PRDM16: variants seen among roughly 807,000 people sequenced by gnomAD.
PRDM16 encodes the protein PR/SET domain 16, also known as histone-lysine N-methyltransferase PRDM16.
PRDM16 carries 23 observed loss-of-function variants against 110.6 expected under a neutral mutation model. That is an observed-to-expected ratio of 0.21 (90% CI 0.15 to 0.29). PRDM16 has a LOEUF of 0.29. Among genes scored for constraint, PRDM16 ranks in the 10% least tolerant of loss-of-function variants. The probability of loss-of-function intolerance (pLI) is 1.00; values close to 1 mark genes in which losing one functional copy is unlikely to be tolerated. For missense variants in PRDM16, 1,615 were observed against 1,794.3 expected (o/e 0.90, Z 1.81); for synonymous variants, 799 against 781.8 (o/e 1.02, Z -0.37).
intron 3 of PRDM16, among the ~76,000 whole-genome samples, chr1:3,251,755 A>G (rs571195099): frequency 1.3e-5 from 2 of 152,310 alleles, no homozygotes; most frequent in South Asian, 4.1e-4. Context: ...TACCAGCTTT[A>G]TAGGAGCCAG....
intron 1 of PRDM16, among the ~76,000 whole-genome samples, chr1:3,184,152 G>A (rs553745073): frequency 6.6e-6 from 1 of 152,178 alleles, no homozygotes; most frequent in African/African-American, 2.4e-5. Context: ...GCGTCAATTA[G>A]AAAGGACCCG....
intron 3 of PRDM16, among the ~76,000 whole-genome samples, chr1:3,301,145 A>G (rs893237292): frequency 6.6e-6 from 1 of 152,116 alleles, no homozygotes; most frequent in African/African-American, 2.4e-5. Context: ...CACCTGGGAA[A>G]CCTAGCAAGA....
At chr1:3,071,420 C>T (rs1016577777) in intron 1 of PRDM16, among the ~76,000 whole-genome samples, 1 of 152,218 alleles carries the variant, frequency 6.6e-6, no homozygotes, top group African/African-American at 2.4e-5. Context: ...TGAGGAAAAA[C>T]CCCATGAGAG....
In PRDM16 at chr1:3,118,215, A is replaced by G. The variant is rs181839380; in HGVS notation, c.37+48919A>G. Among the ~76,000 whole-genome samples the G allele has an allele frequency of 7.9e-5, 12 of 151,928 alleles. 1 individual carries two copies. The highest frequency in any genetic ancestry group is 7.8e-4 in the East Asian group (4 of 5,144). ...TGCATGTACACACGCACACACGCAC[A>G]CACACACGTGCACACACGTGCATAC... On this transcript the variant is annotated intron_variant, in intron 1 of 16. Transcript: ENST00000270722.
intron 6 of PRDM16, among the ~76,000 whole-genome samples, chr1:3,403,658 G>A (rs573686907): frequency 3.3e-5 from 5 of 152,340 alleles, no homozygotes; most frequent in African/African-American, 1.2e-4. Context: ...GGGCGGCCTT[G>A]GGGACCTGTG....
intron 3 of PRDM16, among the ~76,000 whole-genome samples, chr1:3,296,663 G>A (rs888334011): frequency 4.6e-5 from 7 of 152,236 alleles, no homozygotes; most frequent in Non-Finnish European, 7.3e-5. Flanking sequence ...CATGGGGGTC[G>A]TGTGTGGACC....
At position 3,434,165 on chromosome 1, in the gene PRDM16, G is replaced by C; in HGVS notation, c.*354G>C. 3.1e-6 allele frequency: 1 copy of C among 321,098 alleles called. No individual in the cohort carries two copies. The allele number at this position is 321,098 out of a possible 1,614,324, so 19.9% of individuals were successfully genotyped here. ...GGCCACTGCCGGGTGCCCGCGTGGG[G>C]TCGCGGAAGGGAATGGATAGACTGG... On this transcript the variant is annotated 3_prime_UTR_variant, in exon 17 of 17. Coordinates refer to ENST00000270722, the MANE Select transcript of PRDM16 (RefSeq NM_022114.4).
chr1:3,104,891 A>C (rs1470287193), intron 1 of PRDM16, among the ~76,000 whole-genome samples: 4 of 152,176 alleles, frequency 2.6e-5, no homozygotes, highest in African/African-American at 7.2e-5. Flanking sequence ...GAACACATGC[A>C]TGAGAGGTGA....
rs1044285849 is a variant in PRDM16, at chr1:3,310,997, A to G, written c.438+66860A>G. On this transcript the variant is annotated intron_variant, in intron 3 of 16. Transcript: ENST00000270722. ...CATGTGTGTGCGTGTGTGCGTGCGT[A>G]TGTGTGTGTGTGTGTGAGCGCCAGC... Among the ~76,000 whole-genome samples the G allele has an allele frequency of 7.3e-5, 11 of 150,238 alleles. No homozygotes were observed. The South Asian group carries it at 8.4e-4, about 11-fold the overall frequency.
chr1:3,087,441 A>G lies in PRDM16; in HGVS notation c.37+18145A>G, dbSNP rs184059173. 2.8e-3 allele frequency among the ~76,000 whole-genome samples: 423 copies of G among 152,338 alleles called. 4 individuals are homozygous for G. Among genetic ancestry groups the G allele is most frequent in the African/African-American group, 9.6e-3 (399 of 41,578 alleles). ...GACGTCCCACTCTGGATCGGCCGGC[A>G]GGAAGTTGTTCCTGCCTTGGGGTCA... is the stretch of plus-strand genomic sequence containing the variant. On this transcript the variant is annotated intron_variant, in intron 1 of 16. Coordinates refer to ENST00000270722, the MANE Select transcript of PRDM16 (RefSeq NM_022114.4).
chr1:3,375,821 G>A (rs1642981262), intron 3 of PRDM16, among the ~76,000 whole-genome samples: 1 of 152,244 alleles, frequency 6.6e-6, no homozygotes, highest in Non-Finnish European at 1.5e-5. Context: ...GTTCATAGAC[G>A]CTGCTGGGAG....
chr1:3,393,565 G>A (rs1262892010), intron 4 of PRDM16, among the ~76,000 whole-genome samples: 3 of 152,216 alleles, frequency 2.0e-5, no homozygotes, highest in Non-Finnish European at 1.5e-5. Context: ...CTCGAGCCAG[G>A]AGCCGGCGCA....
chr1:3,292,663 G>T (rs1192292359), intron 3 of PRDM16, among the ~76,000 whole-genome samples: 1 of 152,192 alleles, frequency 6.6e-6, no homozygotes, highest in African/African-American at 2.4e-5. Context: ...GCCAGATAGC[G>T]AGGGAACCCA....
intron 2 of PRDM16, among the ~76,000 whole-genome samples, chr1:3,217,009 T>C (rs535632633): frequency 4.6e-5 from 7 of 152,342 alleles, no homozygotes; most frequent in Admixed American, 1.3e-4. Context: ...CACTGTTCCA[T>C]GTCCAAATGT....
chr1:3,407,989 A>AAGCAAC (rs2100652028), intron 8 of PRDM16, among the ~76,000 whole-genome samples: 1 of 152,348 alleles, frequency 6.6e-6, no homozygotes, highest in Admixed American at 6.5e-5. Flanking sequence ...GATCAGACAC[A>AAGCAAC]AGCAACGCAG....
chr1:3,146,052 G>A (rs531001070), intron 1 of PRDM16, among the ~76,000 whole-genome samples: 4 of 152,316 alleles, frequency 2.6e-5, no homozygotes, highest in South Asian at 2.1e-4. Context: ...CGTTTTCTGC[G>A]GGACAGAGGG....
At chr1:3,286,901 C>A (rs12066180) in intron 3 of PRDM16, among the ~76,000 whole-genome samples, 2 of 151,716 alleles carry the variant, frequency 1.3e-5, no homozygotes, top group Admixed American at 6.6e-5. Context: ...TGGGTCTGCC[C>A]ACCCTTCCTG....
At chr1:3,136,233 T>G (rs1295094057) in intron 1 of PRDM16, among the ~76,000 whole-genome samples, 2 of 152,142 alleles carry the variant, frequency 1.3e-5, no homozygotes, top group Non-Finnish European at 2.9e-5. Context: ...GTAGCTGAAG[T>G]GGAACCTGCC....
chr1:3,123,243 C>T (rs1019388556), intron 1 of PRDM16, among the ~76,000 whole-genome samples: 1 of 152,222 alleles, frequency 6.6e-6, no homozygotes, highest in Non-Finnish European at 1.5e-5. Context: ...TATCAGGTTC[C>T]CAGGAACGTG....
Sources: allele counts gnomAD v4.1 joint callset (sites outside exome capture counted in the v4.1 genomes callset), GRCh38; gene constraint gnomAD v4.1.1; transcripts MANE v1.5; gene names NCBI Gene and HGNC (gene_info 2026-07-23, HGNC 2026-07-21).